The following NKAIN2 variants were observed in gnomAD, a reference collection of about 807,000 sequenced individuals.
The protein encoded by NKAIN2 is sodium/potassium transporting ATPase interacting 2.
A neutral mutation model predicts 32.6 loss-of-function variants in NKAIN2; 14 were observed. The ratio of observed to expected loss-of-function variants is 0.43; its 90% CI spans 0.28 to 0.67. NKAIN2 has a LOEUF of 0.67. NKAIN2 is among the 30% of genes least tolerant of loss of function. The pLI is 0.17. For missense variants in NKAIN2, 198 were observed against 258.3 expected, an observed-to-expected ratio of 0.77 and a Z score of 1.60; for synonymous variants, 80 against 87.2, an observed-to-expected ratio of 0.92 and a Z score of 0.46.
intron 1 of NKAIN2, among the ~76,000 whole-genome samples, chr6:123,871,523 G>A (rs757278812): frequency 3.0e-4 from 45 of 152,148 alleles, no homozygotes; most frequent in Non-Finnish European, 5.7e-4. Context: ...AATGCTGTTT[G>A]TATATCCCAT....
intron 4 of NKAIN2, among the ~76,000 whole-genome samples, chr6:124,765,549 C>G (rs938502981): frequency 2.6e-5 from 4 of 152,190 alleles, no homozygotes; most frequent in Admixed American, 2.0e-4. Context: ...TCTTCTCCAG[C>G]CTTTATTCCT....
chr6:124,368,560 A>G (rs1799619533), intron 3 of NKAIN2, among the ~76,000 whole-genome samples: 1 of 152,124 alleles, frequency 6.6e-6, no homozygotes, highest in South Asian at 2.1e-4. Context: ...GAGCATCAGC[A>G]AAGTTTTGGA....
chr6:124,642,361 A>G (rs1388573854), intron 3 of NKAIN2, among the ~76,000 whole-genome samples: 1 of 152,172 alleles, frequency 6.6e-6, no homozygotes, highest in Non-Finnish European at 1.5e-5. Flanking sequence ...GGGGTTTTAT[A>G]TGTAGAAGTG....
intron 2 of NKAIN2, among the ~76,000 whole-genome samples, chr6:124,303,788 C>A (rs572861245): frequency 7.9e-5 from 12 of 152,216 alleles, no homozygotes; most frequent in Middle Eastern, 3.4e-3. Context: ...ATTATCAGAC[C>A]TGCAGTATTC....
intron 1 of NKAIN2, among the ~76,000 whole-genome samples, chr6:124,229,659 C>A (rs1179525723): frequency 6.6e-6 from 1 of 152,060 alleles, no homozygotes; most frequent in African/African-American, 2.4e-5. Context: ...ATAATTGAAC[C>A]ATGGAAGTGG....
chr6:123,941,274 TA>T (rs996308133), intron 1 of NKAIN2, among the ~76,000 whole-genome samples: 25 of 151,646 alleles, frequency 1.6e-4, no homozygotes, highest in African/African-American at 5.5e-4. Context: ...TTATACTTAA[TA>T]TTTTTTTTTT....
At chr6:124,502,571 GACTTTATTTACTCC>G (rs1366189130) in intron 3 of NKAIN2, among the ~76,000 whole-genome samples, 1 of 152,078 alleles carries the variant, frequency 6.6e-6, no homozygotes, top group African/African-American at 2.4e-5. Context: ...TTTGTGTGTA[GACTTTATTTACTCC>G]AAGATTATAG....
chr6:124,798,680 G>T (rs2114825447), intron 5 of NKAIN2, among the ~76,000 whole-genome samples: 1 of 152,096 alleles, frequency 6.6e-6, no homozygotes, highest in South Asian at 2.1e-4. Flanking sequence ...GATTTGTTTT[G>T]AACTATGAGT....
chr6:124,027,160 A>G (rs1236185392), intron 1 of NKAIN2, among the ~76,000 whole-genome samples: 1 of 143,552 alleles, frequency 7.0e-6, no homozygotes, highest in Non-Finnish European at 1.5e-5. Context: ...TTTTTTTAAG[A>G]CAGATTTTTG....
At chr6:124,417,696 A>G (rs1206328644) in intron 3 of NKAIN2, among the ~76,000 whole-genome samples, 1 of 152,160 alleles carries the variant, frequency 6.6e-6, no homozygotes, top group Non-Finnish European at 1.5e-5. Flanking sequence ...TGTAGAACTC[A>G]TAGGCATATT....
At chr6:124,404,216 G>A (rs541376828) in intron 3 of NKAIN2, among the ~76,000 whole-genome samples, 10 of 152,180 alleles carry the variant, frequency 6.6e-5, no homozygotes, top group South Asian at 2.1e-4. Flanking sequence ...ATTTCCAGGC[G>A]TGGAGATGAT....
At chr6:124,036,613 C>T (rs936949757) in intron 1 of NKAIN2, among the ~76,000 whole-genome samples, 1 of 152,062 alleles carries the variant, frequency 6.6e-6, no homozygotes, top group East Asian at 1.9e-4. Flanking sequence ...TAATCTCTCT[C>T]GTGTGTCTAT....
chr6:124,000,130 C>T (rs1411399546), intron 1 of NKAIN2, among the ~76,000 whole-genome samples: 4 of 152,012 alleles, frequency 2.6e-5, no homozygotes, highest in East Asian at 1.9e-4. Context: ...TCTTCCAAAA[C>T]GACACTTTCT....
chr6:124,528,881 A>T (rs1003518274), intron 3 of NKAIN2, among the ~76,000 whole-genome samples: 6 of 152,176 alleles, frequency 3.9e-5, no homozygotes, highest in Admixed American at 3.9e-4. Flanking sequence ...CTAAGATTGC[A>T]TACTCTTAGA....
chr6:124,490,267 C>T (rs1202959257), intron 3 of NKAIN2: 1 of 383,656 alleles, frequency 2.6e-6, no homozygotes, highest in Admixed American at 3.5e-5. Context: ...GGTATGTTAT[C>T]ACCACCAATT....
intron 3 of NKAIN2, among the ~76,000 whole-genome samples, chr6:124,387,416 G>C (rs1772952097): frequency 6.6e-6 from 1 of 151,668 alleles, no homozygotes; most frequent in African/African-American, 2.4e-5. Flanking sequence ...CTTGCTCCTA[G>C]TCATATAAAC....
intron 3 of NKAIN2, among the ~76,000 whole-genome samples, chr6:124,407,897 G>A (rs1409409003): frequency 8.1e-5 from 12 of 149,046 alleles, no homozygotes; most frequent in South Asian, 4.3e-4. Context: ...TCTAACTGGT[G>A]TGAGATGGTA....
chr6:124,191,979 T>C (rs866655203), intron 1 of NKAIN2, among the ~76,000 whole-genome samples: 1 of 150,386 alleles, frequency 6.6e-6, no homozygotes, highest in Admixed American at 6.6e-5. Flanking sequence ...ACTGTAATTT[T>C]TGTTTTTACT....
chr6:124,286,912 GACCTC>G lies in NKAIN2; in HGVS notation c.192+3772_192+3776del, dbSNP rs1795583153. 2.6e-5 allele frequency among the ~76,000 whole-genome samples: 4 copies of G among 152,168 alleles called. No homozygotes were observed. The South Asian group carries it at 8.3e-4, about 32-fold the overall frequency. Reference sequence around the variant, plus strand: ...TTAGCCAGGCTGGTCTCGAACTCCTGACCTCATGATCCGCCCACCTTGGCCTCCCA... The same window carrying G: ...TTAGCCAGGCTGGTCTCGAACTCCTGATGATCCGCCCACCTTGGCCTCCCA... On this transcript the variant is annotated intron_variant, in intron 2 of 6. Transcript: ENST00000368417.
Sources: allele counts gnomAD v4.1 joint callset (sites outside exome capture counted in the v4.1 genomes callset), GRCh38; gene constraint gnomAD v4.1.1; transcripts MANE v1.5; gene names NCBI Gene and HGNC (gene_info 2026-07-23, HGNC 2026-07-21).